The following PWP1 variants were observed in gnomAD, a reference collection of about 807,000 sequenced individuals.
PWP1 encodes periodic tryptophan protein 1 homolog.
A neutral mutation model predicts 69.9 loss-of-function variants in PWP1; 47 were observed. The ratio of observed to expected loss-of-function variants is 0.67; its 90% CI spans 0.53 to 0.86. The LOEUF (loss-of-function observed/expected upper bound fraction) is 0.86. Ranked by LOEUF, PWP1 falls within the 40% of genes least tolerant of loss-of-function variation. The pLI, the probability that PWP1 is intolerant of heterozygous loss-of-function variation, is 0.00. For missense variants in PWP1, 551 were observed against 608.8 expected (o/e 0.91, Z 1.00); for synonymous variants, 222 against 208.2 (o/e 1.07, Z -0.57).
In PWP1 at chr12:107,693,050, A is replaced by T; in HGVS notation, c.456A>T (p.Ile152=). The change falls in exon 5 of 15, where the codon ATA becomes ATT. Residue 152 remains isoleucine (I), a synonymous_variant. Transcript: ENST00000412830. ...DFLIKPSDNL[I]VCGRAEQDQC... ...TGATTAAGCCCAGTGATAATCTTAT[A>T]GTTTGTGGCCGAGCTGAACAGGACC... 1 of 1,614,176 alleles carries T rather than the reference A, an allele frequency of 6.2e-7. No individual in the cohort carries two copies. Among genetic ancestry groups the T allele is most frequent in the African/African-American group, 1.3e-5 (1 of 75,068 alleles).
At position 107,685,849 on chromosome 12, in the gene PWP1, C is replaced by A. The variant is rs749576800; in HGVS notation, c.-51C>A. 4.4e-6 allele frequency: 7 copies of A among 1,597,054 alleles called. No homozygotes were observed. The highest frequency in any genetic ancestry group is 3.3e-5 in the South Asian group (3 of 90,702). ...GTGTGGCAGCAGTGCGGTCGTGGTC[C>A]CTCCCTATGCAGCCTGGTTTCTAGC... On this transcript the variant is annotated 5_prime_UTR_variant, in exon 1 of 15. Coordinates refer to ENST00000412830, the MANE Select transcript of PWP1 (RefSeq NM_007062.3).
Position 107,693,022 on chromosome 12 carries a change from T to A in PWP1, c.428T>A (p.Phe143Tyr). 1 of 1,614,198 alleles carries A rather than the reference T, an allele frequency of 6.2e-7. No homozygotes were observed. The highest frequency in any genetic ancestry group is 1.1e-5 in the South Asian group (1 of 91,082). ...KDTEQYERED[F>Y]LIKPSDNLIV... ...TAGGAACAATATGAACGTGAAGATT[T>A]CTTGATTAAGCCCAGTGATAATCTT... The change falls in exon 5 of 15, where the codon TTC becomes TAC. Residue 143 changes from phenylalanine (F) to tyrosine (Y), a missense_variant. Transcript: ENST00000412830.
At position 107,686,105 on chromosome 12, in the gene PWP1, C is replaced by T. The variant is rs569849940; in HGVS notation, c.72+134C>T. 1.9e-5 allele frequency: 17 copies of T among 907,098 alleles called. No individual in the cohort carries two copies. The African/African-American group carries it at 2.0e-4, about 10-fold the overall frequency. 56.2% of individuals were successfully genotyped at this position (907,098 alleles called of 1,614,324 possible). ...TGGCTGGGGTGAGGGCGGCTTTGCC[C>T]GGATTGTCGCGACTAGAGCTGCAGT... On this transcript the variant is annotated intron_variant, in intron 1 of 14. Transcript: ENST00000412830.
At chr12:107,707,292 T>G (rs1364445042) in intron 11 of PWP1, among the ~76,000 whole-genome samples, 1 of 152,102 alleles carries the variant, frequency 6.6e-6, no homozygotes, top group Non-Finnish European at 1.5e-5. Flanking sequence ...TAAGGAGATT[T>G]TGGGCTGAGA....
chr12:107,689,334 G>A (rs567775452), intron 3 of PWP1, among the ~76,000 whole-genome samples: 46 of 152,134 alleles, frequency 3.0e-4, no homozygotes, highest in African/African-American at 1.1e-3. Flanking sequence ...AAAACATAAT[G>A]TATATAAGGT....
intron 6 of PWP1, 40 bp from the exon 7 acceptor site, chr12:107,697,427 T>A: frequency 1.3e-6 from 2 of 1,524,578 alleles, no homozygotes; most frequent in East Asian, 2.3e-5. Context: ...TCTGTATGTC[T>A]TTTTTTGTGT....
intron 1 of PWP1, 96 bp from the exon 2 acceptor site, chr12:107,688,352 C>T (rs931371129): frequency 2.5e-5 from 25 of 989,172 alleles, no homozygotes; most frequent in African/African-American, 3.3e-5. Context: ...CATTGCTTGG[C>T]GTTACATTTT....
Position 107,692,217 on chromosome 12 carries a change from C to T in PWP1, c.320-597C>T, listed in dbSNP as rs114021119. ...GGCTTCCTCTAACAATTCAGTGTAT[C>T]TTCCTTTTCCTGAGTTATCCTTTGT... On this transcript the variant is annotated intron_variant, in intron 3 of 14. Transcript: ENST00000412830. 6.3e-3 allele frequency among the ~76,000 whole-genome samples: 953 copies of T among 152,352 alleles called. 9 individuals carry two copies. Among genetic ancestry groups the T allele is most frequent in the African/African-American group, 0.021 (888 of 41,582 alleles).
chr12:107,697,634 G>T, intron 7 of PWP1, 37 bp downstream of exon 7: 1 of 1,578,258 alleles, frequency 6.3e-7, no homozygotes, highest in Non-Finnish European at 8.6e-7. Flanking sequence ...TCTAATGACA[G>T]AGGTAAGTTT....
In PWP1 at chr12:107,712,277, A is replaced by C. The variant is rs1889970616; in HGVS notation, c.*57A>C. The C allele has an allele frequency of 7.4e-7, 1 of 1,359,904 alleles. No individual in the cohort carries two copies. The highest frequency in any genetic ancestry group is 2.3e-5 in the East Asian group (1 of 43,480). The allele number at this position is 1,359,904 out of a possible 1,614,324, so 84.2% of individuals were successfully genotyped here. A position where few individuals can be genotyped will look rare whatever the true frequency, so the allele number is the denominator to read the frequency against. On this transcript the variant is annotated 3_prime_UTR_variant, in exon 15 of 15. Transcript: ENST00000412830. ...CTGGGAATTTTAAAAAGTTGGCCTA[A>C]AAATGTTCCATGCGTGGCAGCAACC...
At chr12:107,704,362 G>A (rs1889770966) in intron 10 of PWP1, among the ~76,000 whole-genome samples, 1 of 152,168 alleles carries the variant, frequency 6.6e-6, no homozygotes, top group South Asian at 2.1e-4. Flanking sequence ...TGGGCTTTTG[G>A]ACATAGAGAG....
Position 107,699,410 on chromosome 12 carries a change from A to C in PWP1, c.782A>C (p.Asp261Ala). ...GAAGGGCATACCGATGCTGTCCTTGACCTTTCATGGAATAAGCTAATCAGG... is the reference window on the plus strand; with the variant it reads ...GAAGGGCATACCGATGCTGTCCTTGCCCTTTCATGGAATAAGCTAATCAGG... ...SAEGHTDAVL[D>A]LSWNKLIRNV... is the part of the protein sequence containing the mutation. The change falls in exon 8 of 15, where the codon GAC (aspartate) becomes GCC (alanine). Residue 261 changes from aspartate (D) to alanine (A), a missense_variant. By Grantham distance (126) the Asp-to-Ala change is moderately radical. Coordinates refer to ENST00000412830, the MANE Select transcript of PWP1 (RefSeq NM_007062.3). 6.2e-7 allele frequency: 1 copy of C among 1,613,418 alleles called. No individual in the cohort carries two copies. Among genetic ancestry groups the C allele is most frequent in the Non-Finnish European group, 8.5e-7 (1 of 1,179,396 alleles).
At chr12:107,698,335 T>C (rs1199352995) in intron 7 of PWP1, among the ~76,000 whole-genome samples, 2 of 152,092 alleles carry the variant, frequency 1.3e-5, no homozygotes, top group African/African-American at 2.4e-5. Flanking sequence ...CCAGCCTGTG[T>C]GACAGAGCGA....
intron 7 of PWP1, among the ~76,000 whole-genome samples, chr12:107,698,472 G>A (rs1477602825): frequency 6.6e-6 from 1 of 152,240 alleles, no homozygotes; most frequent in African/African-American, 2.4e-5. Flanking sequence ...GTTGCAGTGA[G>A]CCATGATTGT....
intron 11 of PWP1, among the ~76,000 whole-genome samples, chr12:107,707,203 T>C (rs1889841196): frequency 6.6e-6 from 1 of 152,198 alleles, no homozygotes; most frequent in Non-Finnish European, 1.5e-5. Context: ...TGTTTGTCTA[T>C]TATTGGTGTA....
At chr12:107,686,194 C>T in intron 1 of PWP1, 1 of 594,836 alleles carries the variant, frequency 1.7e-6, no homozygotes, top group South Asian at 2.0e-5. Flanking sequence ...TGTTCCCACC[C>T]TCAAGCCCAA....
intron 6 of PWP1, 120 bp from the exon 7 acceptor site, chr12:107,697,347 A>G (rs1889608526): frequency 2.0e-6 from 2 of 1,005,970 alleles, no homozygotes; most frequent in South Asian, 2.3e-5. Context: ...GCATATGCAT[A>G]TAAGTTTGAG....
intron 11 of PWP1, among the ~76,000 whole-genome samples, chr12:107,707,602 TG>T (rs1889849023): frequency 6.6e-6 from 1 of 152,236 alleles, no homozygotes; most frequent in Non-Finnish European, 1.5e-5. Context: ...AGTTTTAGCA[TG>T]AAGGGCTGTT....
Position 107,699,442 on chromosome 12 carries a change from G to A in PWP1, c.806+8G>A. The A allele has an allele frequency of 6.2e-6, 10 of 1,606,356 alleles. No homozygotes were observed. The highest frequency in any genetic ancestry group is 8.5e-6 in the Non-Finnish European group (10 of 1,173,146). ...ATGGAATAAGCTAATCAGGTAAAAAGAAATAACATTTGAATGATTGTAAAA... is the reference window on the plus strand; with the variant it reads ...ATGGAATAAGCTAATCAGGTAAAAAAAAATAACATTTGAATGATTGTAAAA... On this transcript the variant is annotated splice_region_variant and intron_variant, in intron 8 of 14. Transcript: ENST00000412830.
Sources: gnomAD v4.1 joint callset for allele counts (sites outside exome capture counted in the v4.1 genomes callset) on GRCh38, gnomAD v4.1.1 for gene constraint, MANE v1.5 for transcripts, NCBI Gene and HGNC (gene_info 2026-07-23, HGNC 2026-07-21) for gene names.